The following JMJD1C variants were observed in gnomAD, a reference collection of about 807,000 sequenced individuals.
The protein encoded by JMJD1C is jumonji domain-containing protein 1C.
In JMJD1C, 31 loss-of-function variants were observed where a neutral mutation model predicts 245.3. The ratio of observed to expected loss-of-function variants is 0.13; its 90% CI spans 0.09 to 0.17. The LOEUF (loss-of-function observed/expected upper bound fraction) is 0.17, where lower values mean the gene tolerates loss of function less well. JMJD1C is among the 10% of genes least tolerant of loss of function. JMJD1C has a pLI of 1.00. For missense variants in JMJD1C, 2,691 were observed against 3,000.2 expected, an observed-to-expected ratio of 0.90 and a Z score of 2.41; for synonymous variants, 1,057 against 1,017.4, an observed-to-expected ratio of 1.04 and a Z score of -0.74.
At chr10:63,471,357 A>G (rs1231409996) in intron 1 of JMJD1C, among the ~76,000 whole-genome samples, 1 of 152,226 alleles carries the variant, frequency 6.6e-6, no homozygotes, top group Non-Finnish European at 1.5e-5. Flanking sequence ...TGCTAACCAT[A>G]TACTCCATCT....
At chr10:63,393,480 G>T (rs1201818164) in intron 1 of JMJD1C, among the ~76,000 whole-genome samples, 1 of 152,054 alleles carries the variant, frequency 6.6e-6, no homozygotes, top group Non-Finnish European at 1.5e-5. Flanking sequence ...ACAGTATGGG[G>T]ACTTCTGAAA....
chr10:63,512,653 T>C (rs1038852936), intron 1 of JMJD1C, among the ~76,000 whole-genome samples: 1 of 152,216 alleles, frequency 6.6e-6, no homozygotes, highest in East Asian at 1.9e-4. Flanking sequence ...AGTTTGAATA[T>C]GGTGTGGCTA....
chr10:63,499,762 C>G (rs952902939), intron 1 of JMJD1C, among the ~76,000 whole-genome samples: 2 of 152,098 alleles, frequency 1.3e-5, no homozygotes, highest in Admixed American at 1.3e-4. Context: ...ATTCAAATGT[C>G]TGAACTTTAT....
At position 63,208,153 on chromosome 10, in the gene JMJD1C, T is replaced by G; in HGVS notation, c.3516A>C (p.Ala1172=). Residue 1172 remains alanine (A), a synonymous_variant, in exon 10 of 26, where the codon GCA becomes GCC. Transcript: ENST00000399262. ...TTCTGAAGGTTGTTACTGAGTGAGA[T>G]GCAATCTGATGTGGAAGATGTTCTG... The part of the protein sequence containing the change: ...KIPEHLPHQI[A]SHSVTTFRND... 6.2e-7 allele frequency: 1 copy of G among 1,614,190 alleles called. No homozygotes were observed. The highest frequency in any genetic ancestry group is 2.2e-5 in the East Asian group (1 of 44,876).
intron 14 of JMJD1C, among the ~76,000 whole-genome samples, chr10:63,193,987 TTC>T (rs1357236338): frequency 9.2e-5 from 14 of 152,332 alleles, no homozygotes; most frequent in African/African-American, 2.9e-4. Context: ...CTCTATTCTT[TTC>T]TCTCTTTATT....
intron 24 of JMJD1C, among the ~76,000 whole-genome samples, chr10:63,172,669 G>A (rs1842481975): frequency 6.6e-6 from 1 of 151,856 alleles, no homozygotes; most frequent in African/African-American, 2.4e-5. Context: ...ACGACAGAAA[G>A]TTGGGGGACA....
At chr10:63,434,380 C>A (rs1357075514) in intron 1 of JMJD1C, among the ~76,000 whole-genome samples, 1 of 152,112 alleles carries the variant, frequency 6.6e-6, no homozygotes, top group Non-Finnish European at 1.5e-5. Flanking sequence ...ACCAGTTTAA[C>A]TGACTGAAGT....
intron 1 of JMJD1C, among the ~76,000 whole-genome samples, chr10:63,519,888 T>C (rs773358377): frequency 6.6e-6 from 1 of 152,228 alleles, no homozygotes; most frequent in African/African-American, 2.4e-5. Context: ...CTGAATGATA[T>C]TCAAATTCAT....
chr10:63,497,726 A>G (rs1300252994), intron 1 of JMJD1C, among the ~76,000 whole-genome samples: 1 of 152,182 alleles, frequency 6.6e-6, no homozygotes, highest in Non-Finnish European at 1.5e-5. Context: ...GGAAGTAACA[A>G]GTCAATTTTC....
At chr10:63,515,397 T>C (rs181395233) in intron 1 of JMJD1C, among the ~76,000 whole-genome samples, 142 of 152,356 alleles carry the variant, frequency 9.3e-4, no homozygotes, top group African/African-American at 3.2e-3. Flanking sequence ...AAATATTTAC[T>C]GTGAGGACCT....
At position 63,186,261 on chromosome 10, in the gene JMJD1C, T is replaced by G; in HGVS notation, c.6693A>C (p.Ser2231=). 1 of 1,612,164 alleles carries G rather than the reference T, an allele frequency of 6.2e-7. No individual in the cohort carries two copies. Among genetic ancestry groups the G allele is most frequent in the Non-Finnish European group, 8.5e-7 (1 of 1,179,534 alleles). The change falls in exon 19 of 26, where the codon TCA becomes TCC. Residue 2231 remains serine (S), a synonymous_variant. Coordinates refer to ENST00000399262, the MANE Select transcript of JMJD1C (RefSeq NM_032776.3). ...CCCAGAATTCCTTAACATTGGCATT[T>G]GAAATGATGCTATCTTTGCAGTTCA... ...DLLNCKDSII[S]NANVKEFWDG...
At chr10:63,390,216 G>A (rs1302112876) in intron 1 of JMJD1C, among the ~76,000 whole-genome samples, 4 of 151,982 alleles carry the variant, frequency 2.6e-5, no homozygotes, top group Non-Finnish European at 4.4e-5. Flanking sequence ...TGATACCACA[G>A]AAATACAAAA....
chr10:63,404,751 T>A (rs375754910), intron 1 of JMJD1C, among the ~76,000 whole-genome samples: 2 of 152,078 alleles, frequency 1.3e-5, no homozygotes, highest in African/African-American at 4.8e-5. Context: ...GGTGACAACA[T>A]AGTAATTAGG....
At position 63,215,560 on chromosome 10, in the gene JMJD1C, G is replaced by A. The variant is rs1463435908; in HGVS notation, c.815C>T (p.Ala272Val). The change falls in exon 6 of 26, where the codon GCT becomes GTT. Residue 272 changes from alanine to valine, a missense_variant. Ala to Val is a moderately conservative substitution (Grantham distance 64). This residue lies in a region of JMJD1C where 172 missense variants were observed against 240.8 expected (regional missense o/e 0.71). Coordinates refer to ENST00000399262, the MANE Select transcript of JMJD1C (RefSeq NM_032776.3). ...CCCTAATAACATACATACGTGAACA[G>A]CGTTGACGTTTTGATTGGCACGAGA... ...RRSRANQNVN[A>V]VHSHYTRAQA... The A allele has an allele frequency of 6.8e-6, 11 of 1,609,108 alleles. No individual in the cohort carries two copies. Among genetic ancestry groups the A allele is most frequent in the African/African-American group, 4.0e-5 (3 of 74,820 alleles).
At chr10:63,317,299 G>A (rs1940204861) in intron 2 of JMJD1C, among the ~76,000 whole-genome samples, 1 of 152,066 alleles carries the variant, frequency 6.6e-6, no homozygotes. Context: ...GAGGTCAGAA[G>A]ATTGAGACCA....
intron 1 of JMJD1C, among the ~76,000 whole-genome samples, chr10:63,520,521 AC>A (rs1178255999): frequency 2.7e-4 from 40 of 150,502 alleles, no homozygotes; most frequent in South Asian, 2.1e-4. Flanking sequence ...AAAAAAAAAA[AC>A]AGTTTTAAAA....
intron 3 of JMJD1C, among the ~76,000 whole-genome samples, chr10:63,247,076 A>C (rs1013433546): frequency 2.0e-5 from 3 of 151,444 alleles, no homozygotes; most frequent in African/African-American, 7.2e-5. Flanking sequence ...GGACATAATA[A>C]AAGTGAGAAC....
At chr10:63,192,001 A>C (rs1236730344) in intron 16 of JMJD1C, among the ~76,000 whole-genome samples, 1 of 149,364 alleles carries the variant, frequency 6.7e-6, no homozygotes, top group African/African-American at 2.4e-5. Flanking sequence ...AAAAAAAAAA[A>C]AAAAAAAACA....
At chr10:63,456,218 T>C (rs899240839) in intron 1 of JMJD1C, among the ~76,000 whole-genome samples, 6 of 152,104 alleles carry the variant, frequency 3.9e-5, no homozygotes, top group Non-Finnish European at 5.9e-5. Context: ...GGCAATAAAA[T>C]GTTCTAGCGA....
Sources: allele counts gnomAD v4.1 joint callset (sites outside exome capture counted in the v4.1 genomes callset), GRCh38; gene constraint gnomAD v4.1.1; regional missense constraint gnomAD v4.1.1; transcripts MANE v1.5; gene names NCBI Gene and HGNC (gene_info 2026-07-23, HGNC 2026-07-21).